KLF12: variants seen among roughly 807,000 people sequenced by gnomAD.
KLF12 encodes KLF transcription factor 12.
A neutral mutation model predicts 37.8 loss-of-function variants in KLF12; 9 were observed. That is an observed-to-expected ratio of 0.24 (90% confidence interval 0.14 to 0.42). KLF12 has a LOEUF of 0.42. KLF12 is among the 10% of genes least tolerant of loss of function. KLF12 has a pLI of 1.00. For synonymous variants in KLF12, 208 were observed against 202.1 expected, an observed-to-expected ratio of 1.03 and a Z score of -0.25; for missense variants, 411 against 516.0, an observed-to-expected ratio of 0.80 and a Z score of 1.97.
In KLF12 at chr13:73,846,036, C is replaced by T; in HGVS notation, c.461G>A (p.Gly154Asp). The change falls in exon 4 of 8, where the codon GGT becomes GAT. Residue 154 changes from glycine to aspartate, a missense_variant. Coordinates refer to ENST00000377669, the MANE Select transcript of KLF12 (RefSeq NM_007249.5). ...GTGCAAAAACTGCTGGCCTCCAACA[C>T]CAGATGCAGAGGCCACAAGGGGCCC... 6.2e-7 allele frequency: 1 copy of T among 1,614,052 alleles called. No individual in the cohort carries two copies. The highest frequency in any genetic ancestry group is 1.7e-5 in the Admixed American group (1 of 59,988).
chr13:74,082,650 T>G lies in KLF12; in HGVS notation c.-32+51089A>C, dbSNP rs117870219. Among the ~76,000 whole-genome samples, 336 of 152,276 alleles carry G rather than the reference T, an allele frequency of 2.2e-3. 4 individuals carry two copies. Among genetic ancestry groups the G allele is most frequent in the Admixed American group, 3.9e-3 (59 of 15,288 alleles). ...TTTAGTGAAGATGAACATGTACATA[T>G]TTTTGTATAAGATGAGTATCTAGTT... On this transcript the variant is annotated intron_variant, in intron 1 of 7. Coordinates refer to ENST00000377669, the MANE Select transcript of KLF12 (RefSeq NM_007249.5).
At chr13:74,114,015 G>C (rs573512074) in intron 1 of KLF12, among the ~76,000 whole-genome samples, 1 of 152,284 alleles carries the variant, frequency 6.6e-6, no homozygotes, top group East Asian at 1.9e-4. Context: ...GGTAGAAACA[G>C]CAAGAGAAAT....
chr13:74,269,147 A>G, the KLF12 span, among the ~76,000 whole-genome samples: 21 of 152,320 alleles, frequency 1.4e-4, no homozygotes, highest in Non-Finnish European at 2.8e-4. Flanking sequence ...TACCCCAGAG[A>G]TAATGTTATT....
At chr13:73,709,124 A>G (rs1318794358) in intron 7 of KLF12, among the ~76,000 whole-genome samples, 2 of 152,224 alleles carry the variant, frequency 1.3e-5, no homozygotes, top group African/African-American at 4.8e-5. Flanking sequence ...TTTTTAATTT[A>G]GAAAGGCACT....
At chr13:73,953,966 CTTTCTTT>C (rs1566480143) in intron 2 of KLF12, among the ~76,000 whole-genome samples, 1 of 106,382 alleles carries the variant, frequency 9.4e-6, no homozygotes, top group East Asian at 3.0e-4. Flanking sequence ...TTTGTTTTTT[CTTTCTTT>C]TTTTTTTTTT....
chr13:73,928,423 A>C (rs992411074), intron 3 of KLF12, among the ~76,000 whole-genome samples: 1 of 152,226 alleles, frequency 6.6e-6, no homozygotes, highest in Admixed American at 6.5e-5. Flanking sequence ...GAAAATACCA[A>C]ATAATAACAC....
At chr13:74,095,358 A>G (rs1038042017) in intron 1 of KLF12, among the ~76,000 whole-genome samples, 1 of 147,864 alleles carries the variant, frequency 6.8e-6, no homozygotes, top group African/African-American at 2.4e-5. Flanking sequence ...AGTTTTTGTT[A>G]CAGTGAATAC....
intron 4 of KLF12, among the ~76,000 whole-genome samples, chr13:73,831,888 C>G (rs574981852): frequency 6.6e-6 from 1 of 152,322 alleles, no homozygotes; most frequent in South Asian, 2.1e-4. Context: ...CCATAAAAAT[C>G]TACTGAGAAG....
chr13:73,886,516 G>A (rs902569330), intron 3 of KLF12, among the ~76,000 whole-genome samples: 1 of 152,068 alleles, frequency 6.6e-6, no homozygotes, highest in African/African-American at 2.4e-5. Context: ...ATAGCTAGTG[G>A]ATGCTGGGCC....
chr13:73,762,091 C>G (rs550588846), intron 6 of KLF12, among the ~76,000 whole-genome samples: 2 of 152,252 alleles, frequency 1.3e-5, no homozygotes, highest in South Asian at 4.1e-4. Context: ...TGCTAATATA[C>G]CCGCAAGAAG....
intron 3 of KLF12, among the ~76,000 whole-genome samples, chr13:73,848,871 C>A (rs1298063392): frequency 6.6e-6 from 1 of 152,104 alleles, no homozygotes; most frequent in African/African-American, 2.4e-5. Context: ...GGTCCTTTTT[C>A]ATATGTGGCA....
chr13:74,050,957 A>G (rs1393180180), intron 1 of KLF12, among the ~76,000 whole-genome samples: 1 of 152,216 alleles, frequency 6.6e-6, no homozygotes, highest in Non-Finnish European at 1.5e-5. Flanking sequence ...ACAACTAATT[A>G]TCAGGGAAGT....
chr13:74,114,682 G>T (rs989830039), intron 1 of KLF12, among the ~76,000 whole-genome samples: 1 of 152,100 alleles, frequency 6.6e-6, no homozygotes, highest in South Asian at 2.1e-4. Context: ...GCATCAAGTT[G>T]TCAACGTGGG....
At chr13:73,915,878 G>A (rs1888804602) in intron 3 of KLF12, among the ~76,000 whole-genome samples, 1 of 151,432 alleles carries the variant, frequency 6.6e-6, no homozygotes, top group Admixed American at 6.6e-5. Flanking sequence ...TCTTGATGGT[G>A]GATTTCAGCT....
At chr13:73,909,532 C>G (rs1208801543) in intron 3 of KLF12, among the ~76,000 whole-genome samples, 1 of 152,162 alleles carries the variant, frequency 6.6e-6, no homozygotes, top group Non-Finnish European at 1.5e-5. Flanking sequence ...GGATGATTTT[C>G]AAATCCCTCA....
At chr13:74,061,983 T>G (rs1158283104) in intron 1 of KLF12, among the ~76,000 whole-genome samples, 5 of 152,184 alleles carry the variant, frequency 3.3e-5, no homozygotes, top group Non-Finnish European at 7.3e-5. Context: ...GGTGGGGTTT[T>G]TTTGCACTAG....
intron 1 of KLF12, among the ~76,000 whole-genome samples, chr13:74,102,069 G>A (rs574272035): frequency 1.7e-4 from 26 of 149,632 alleles, no homozygotes; most frequent in African/African-American, 6.3e-4. Context: ...AATACAAACA[G>A]TAGCCAGGCA....
the KLF12 span, among the ~76,000 whole-genome samples, chr13:74,182,069 G>A: frequency 6.6e-6 from 1 of 152,054 alleles, no homozygotes; most frequent in Admixed American, 6.5e-5. Flanking sequence ...AAATAGTTTA[G>A]AAAACAAACA....
At position 73,867,608 on chromosome 13, in the gene KLF12, G is replaced by GAA. The variant is rs57126896; in HGVS notation, c.124-21237_124-21236dup. ...TTAGCAGGGCTATAGAAGACAGGGG[G>GAA]AAAAAAAAATTAACAAACTTATCTT... is the stretch of plus-strand genomic sequence containing the variant. On this transcript the variant is annotated intron_variant, in intron 3 of 7. Transcript: ENST00000377669. 4.0e-5 allele frequency among the ~76,000 whole-genome samples: 6 copies of GAA among 150,816 alleles called. No homozygotes were observed. In the East Asian group the frequency reaches 5.9e-4, roughly 15 times the overall value.
Sources: allele counts gnomAD v4.1 joint callset (sites outside exome capture counted in the v4.1 genomes callset), GRCh38; gene constraint gnomAD v4.1.1; transcripts MANE v1.5; gene names NCBI Gene and HGNC (gene_info 2026-07-23, HGNC 2026-07-21).